Variants in SYTL3 observed in about 807,000 individuals in gnomAD.
The protein encoded by SYTL3 is synaptotagmin like 3.
In SYTL3, 88 loss-of-function variants were observed where a neutral mutation model predicts 82.1. The observed-to-expected ratio is 1.07, with a 90% CI of 0.90 to 1.28. SYTL3 has a LOEUF of 1.28. Ranked by LOEUF, SYTL3 falls within the 50% of genes most tolerant of loss-of-function variation. The pLI is 0.00. For missense variants in SYTL3, 831 were observed against 757.6 expected (o/e 1.10, Z -1.14); for synonymous variants, 311 against 289.4 (o/e 1.07, Z -0.76).
Position 158,757,327 on chromosome 6 carries a change from G to A in SYTL3, c.1254G>A (p.Trp418Ter). Residue 418 changes from tryptophan to a stop codon, truncating the protein, a stop_gained, in exon 14 of 18, where the codon TGG (tryptophan) becomes TGA (stop). Transcript: ENST00000611299. LOFTEE classifies it high-confidence loss of function. ...LGEVIIPLAT[W>*]DFEDSTTQSF... is the part of the protein sequence containing the mutation. The stretch of plus-strand genomic sequence containing the variant: ...AAGTGATCATTCCTCTGGCCACGTG[G>A]GACTTTGAAGACAGCACAACACAGT... 27 of 1,614,056 alleles carry A rather than the reference G, an allele frequency of 1.7e-5. No homozygotes were observed. The highest frequency in any genetic ancestry group is 2.2e-5 in the Non-Finnish European group (26 of 1,180,004).
At chr6:158,661,036 C>G (rs1036700936) in intron 2 of SYTL3, among the ~76,000 whole-genome samples, 1 of 152,144 alleles carries the variant, frequency 6.6e-6, no homozygotes, top group African/African-American at 2.4e-5. Flanking sequence ...GCCTGGGTGA[C>G]AGAATGAGGT....
chr6:158,762,762 C>T (rs924602658), intron 16 of SYTL3, among the ~76,000 whole-genome samples: 2 of 151,976 alleles, frequency 1.3e-5, no homozygotes, highest in Non-Finnish European at 2.9e-5. Context: ...ACTAAAAATA[C>T]AAAAATTAGC....
rs1789569834 is a variant in SYTL3, at chr6:158,663,197, A to G, written c.-72A>G. On this transcript the variant is annotated 5_prime_UTR_variant, in exon 4 of 18. Transcript: ENST00000611299. ...TGGCTGCAGCTGGCCTCCGCCGCTC[A>G]TCTGCAGGGCGTGAGCGCTTGGTCC... 22 of 1,410,526 alleles carry G rather than the reference A, an allele frequency of 1.6e-5. No individual in the cohort carries two copies. In the South Asian group the frequency reaches 2.2e-4, roughly 14 times the overall value. 87.4% of individuals were successfully genotyped at this position (1,410,526 alleles called of 1,614,324 possible). A position where few individuals can be genotyped will look rare whatever the true frequency, so the allele number is the denominator to read the frequency against.
chr6:158,754,577 G>A (rs1252763342), intron 13 of SYTL3, among the ~76,000 whole-genome samples: 1 of 152,172 alleles, frequency 6.6e-6, no homozygotes, highest in Non-Finnish European at 1.5e-5. Flanking sequence ...AAAATTAGCT[G>A]GGCACAGTGG....
chr6:158,763,872 G>C (rs1583534380), intron 17 of SYTL3, among the ~76,000 whole-genome samples: 1 of 152,320 alleles, frequency 6.6e-6, no homozygotes, highest in Admixed American at 6.5e-5. Flanking sequence ...AAAGTGGTCA[G>C]AACAGCAGTG....
upstream of SYTL3, among the ~76,000 whole-genome samples, chr6:158,647,783 C>G (rs1485352862): frequency 6.6e-6 from 1 of 152,240 alleles, no homozygotes; most frequent in Non-Finnish European, 1.5e-5. Flanking sequence ...TGTTTAGTTT[C>G]TATGCAGTAA....
At position 158,704,881 on chromosome 6, in the gene SYTL3, G is replaced by A. The variant is rs533747033; in HGVS notation, c.395-2349G>A. On this transcript the variant is annotated intron_variant, in intron 6 of 17. Coordinates refer to ENST00000611299, the MANE Select transcript of SYTL3 (RefSeq NM_001242394.2). ...CCAGGGCAGGGTGACAGTGAGGGCT[G>A]TAAGGCCACATAGGGCAGGAGGGAC... 4.2e-3 allele frequency among the ~76,000 whole-genome samples: 410 copies of A among 97,208 alleles called. 5 individuals are homozygous for A. Among genetic ancestry groups the A allele is most frequent in the Non-Finnish European group, 5.9e-3 (281 of 47,620 alleles). The allele number at this position is 97,208 out of a possible 152,430, so 63.8% of individuals were successfully genotyped here.
chr6:158,682,838 G>A (rs1778865638), intron 5 of SYTL3, 87 bp from the exon 6 acceptor site: 2 of 959,408 alleles, frequency 2.1e-6, no homozygotes, highest in Admixed American at 2.3e-5. Context: ...CTAATATTTT[G>A]TGACCTTACC....
chr6:158,687,815 T>C (rs1779452516), intron 6 of SYTL3, among the ~76,000 whole-genome samples: 1 of 152,194 alleles, frequency 6.6e-6, no homozygotes, highest in African/African-American at 2.4e-5. Flanking sequence ...TGAAAGGAAG[T>C]TACTTACTTT....
intron 11 of SYTL3, among the ~76,000 whole-genome samples, chr6:158,728,503 G>A (rs967886931): frequency 1.3e-5 from 2 of 152,180 alleles, no homozygotes; most frequent in Non-Finnish European, 2.9e-5. Flanking sequence ...CCTGAGTACT[G>A]TATCTTTGTA....
At position 158,682,683 on chromosome 6, in the gene SYTL3, C is replaced by T. The variant is rs73797080; in HGVS notation, c.330-242C>T. 7.2e-3 allele frequency among the ~76,000 whole-genome samples: 1,100 copies of T among 152,236 alleles called. 8 individuals carry two copies. The highest frequency in any genetic ancestry group is 0.025 in the African/African-American group (1,019 of 41,540). On this transcript the variant is annotated intron_variant, in intron 5 of 17. Transcript: ENST00000611299. ...CCATATTCACATATTATACATTGAA[C>T]GTACACATGACATGCAAGATAAAAC...
At chr6:158,743,212 T>C (rs1296993643) in intron 11 of SYTL3, among the ~76,000 whole-genome samples, 1 of 152,148 alleles carries the variant, frequency 6.6e-6, no homozygotes, top group Admixed American at 6.6e-5. Context: ...TAGGATAGAA[T>C]CAAGTCCTGT....
intron 6 of SYTL3, among the ~76,000 whole-genome samples, chr6:158,700,677 A>C (rs767734761): frequency 5.3e-5 from 8 of 151,924 alleles, no homozygotes; most frequent in African/African-American, 1.7e-4. Flanking sequence ...AGTGCAGTGG[A>C]GCGATCTTGG....
intron 6 of SYTL3, among the ~76,000 whole-genome samples, chr6:158,699,536 C>A (rs767461952): frequency 6.6e-6 from 1 of 152,144 alleles, no homozygotes; most frequent in African/African-American, 2.4e-5. Context: ...GAGCCACACG[C>A]GGCGGATCTT....
At chr6:158,707,928 T>C (rs1287248267) in intron 7 of SYTL3, among the ~76,000 whole-genome samples, 1 of 152,330 alleles carries the variant, frequency 6.6e-6, no homozygotes, top group East Asian at 1.9e-4. Flanking sequence ...GTTTGCTTCG[T>C]GGTTGATTCT....
At chr6:158,726,697 A>C (rs543060154) in intron 11 of SYTL3, 1 of 280,608 alleles carries the variant, frequency 3.6e-6, no homozygotes, top group Non-Finnish European at 7.1e-6. Context: ...TCGTTCATTC[A>C]GCACTGTTTT....
upstream of SYTL3, among the ~76,000 whole-genome samples, chr6:158,649,331 A>C (rs1787732955): frequency 6.6e-6 from 1 of 152,216 alleles, no homozygotes; most frequent in Admixed American, 6.5e-5. Context: ...GCTCTGCTTC[A>C]TGTCTTCTCC....
At chr6:158,713,958 C>T in intron 9 of SYTL3, 80 bp downstream of exon 9, 1 of 1,025,498 alleles carries the variant, frequency 9.8e-7, no homozygotes, top group Non-Finnish European at 1.5e-6. Flanking sequence ...GGCCGGTGAC[C>T]TCGGTTGACA....
At chr6:158,679,539 A>G (rs1778420942) in intron 5 of SYTL3, among the ~76,000 whole-genome samples, 1 of 151,808 alleles carries the variant, frequency 6.6e-6, no homozygotes, top group Admixed American at 6.6e-5. Flanking sequence ...GCTGGTTGTC[A>G]TATGGTTTAG....
Sources: allele counts gnomAD v4.1 joint callset (sites outside exome capture counted in the v4.1 genomes callset), GRCh38; gene constraint gnomAD v4.1.1; transcripts MANE v1.5; gene names NCBI Gene and HGNC (gene_info 2026-07-23, HGNC 2026-07-21).